The following PLCG2 variants were observed in gnomAD, a reference collection of about 807,000 sequenced individuals.
PLCG2 encodes 1-phosphatidylinositol 4,5-bisphosphate phosphodiesterase gamma-2.
PLCG2 carries 69 observed loss-of-function variants against 175.6 expected under a neutral mutation model. The ratio of observed to expected loss-of-function variants is 0.39; its 90% CI spans 0.32 to 0.48. The LOEUF (loss-of-function observed/expected upper bound fraction) is 0.48. Ranked by LOEUF, PLCG2 falls within the 20% of genes least tolerant of loss-of-function variation. PLCG2 has a pLI of 0.91. For missense variants in PLCG2, 1,798 were observed against 1,650.9 expected, an observed-to-expected ratio of 1.09 and a Z score of -1.54; for synonymous variants, 827 against 624.0, an observed-to-expected ratio of 1.33 and a Z score of -4.85.
intron 5 of PLCG2, 178 bp downstream of exon 5, chr16:81,859,341 A>T: frequency 1.8e-6 from 1 of 561,028 alleles, no homozygotes; most frequent in Non-Finnish European, 3.2e-6. Context: ...CTCCTCCTGG[A>T]GGGAGCCTCT....
intron 28 of PLCG2, among the ~76,000 whole-genome samples, chr16:81,938,127 C>T (rs897711149): frequency 2.6e-5 from 4 of 152,182 alleles, no homozygotes; most frequent in Non-Finnish European, 5.9e-5. Flanking sequence ...ACCCACTTCC[C>T]CTTGTCCTCT....
At chr16:81,877,192 C>T (rs1020788542) in intron 7 of PLCG2, among the ~76,000 whole-genome samples, 3 of 152,208 alleles carry the variant, frequency 2.0e-5, no homozygotes, top group South Asian at 2.1e-4. Context: ...CGGTGGCTCA[C>T]GCCTGTAATC....
At chr16:81,794,852 C>G (rs1489093761) in intron 2 of PLCG2, among the ~76,000 whole-genome samples, 1 of 152,110 alleles carries the variant, frequency 6.6e-6, no homozygotes, top group Non-Finnish European at 1.5e-5. Flanking sequence ...TTCCTGCACC[C>G]GATGGATTGT....
chr16:81,782,626 C>G (rs1319729127), intron 1 of PLCG2, among the ~76,000 whole-genome samples: 9 of 152,002 alleles, frequency 5.9e-5, no homozygotes, highest in Non-Finnish European at 1.0e-4. Flanking sequence ...GTTCTTGTAT[C>G]TCACAAGCTT....
chr16:81,954,954 C>T (rs903628770), intron 31 of PLCG2, among the ~76,000 whole-genome samples: 4 of 152,150 alleles, frequency 2.6e-5, no homozygotes, highest in African/African-American at 7.2e-5. Context: ...TCATTCCCAC[C>T]GACAGTGTAA....
Position 81,934,412 on chromosome 16 carries a change from CAG to C in PLCG2, c.2740-16_2740-15del. Reference sequence around the variant, plus strand: ...ATTTCTCGGGGGCGGGCACTAAAGACAGTGAACTCCAAACAGGAGAACAACAT... The same window carrying C: ...ATTTCTCGGGGGCGGGCACTAAAGACTGAACTCCAAACAGGAGAACAACAT... On this transcript the variant is annotated splice_polypyrimidine_tract_variant and intron_variant, in intron 25 of 32. Coordinates refer to ENST00000564138, the MANE Select transcript of PLCG2 (RefSeq NM_002661.5). The C allele has an allele frequency of 6.5e-7, 1 of 1,535,828 alleles. No individual in the cohort carries two copies. Among genetic ancestry groups the C allele is most frequent in the Non-Finnish European group, 9.0e-7 (1 of 1,109,560 alleles).
chr16:81,847,039 A>G (rs528164504), intron 2 of PLCG2, among the ~76,000 whole-genome samples: 1 of 152,174 alleles, frequency 6.6e-6, no homozygotes, highest in Non-Finnish European at 1.5e-5. Flanking sequence ...ACTCTGTCCC[A>G]TTTCAGGTGC....
chr16:81,827,864 G>A (rs553302398), intron 2 of PLCG2, among the ~76,000 whole-genome samples: 2 of 152,122 alleles, frequency 1.3e-5, no homozygotes, highest in Non-Finnish European at 2.9e-5. Context: ...GCCAAGGTGG[G>A]TGGATCACCT....
intron 26 of PLCG2, chr16:81,935,791 T>A: frequency 1.0e-6 from 1 of 985,398 alleles, no homozygotes; most frequent in South Asian, 4.7e-5. Context: ...TCATCTTGTG[T>A]CTGTGGTCTC....
intron 23 of PLCG2, 139 bp from the exon 24 acceptor site, chr16:81,928,419 A>G (rs1910366222): frequency 1.6e-6 from 1 of 644,198 alleles, no homozygotes; most frequent in South Asian, 1.8e-5. Context: ...CTCTCTCCCC[A>G]TGGACGTATC....
chr16:81,921,158 G>C (rs186066690), intron 20 of PLCG2, 40 bp from the exon 21 acceptor site: 10 of 1,242,538 alleles, frequency 8.0e-6, no homozygotes, highest in Non-Finnish European at 1.2e-5. Context: ...TATTCCAGGA[G>C]CATGGATTAT....
intron 23 of PLCG2, among the ~76,000 whole-genome samples, chr16:81,928,347 T>G (rs16955997): frequency 0.018 from 2,709 of 152,200 alleles, 72 homozygotes; most frequent in African/African-American, 0.063. Context: ...AAAATGAAAC[T>G]CCGAACCTCC....
intron 14 of PLCG2, among the ~76,000 whole-genome samples, chr16:81,902,748 A>G (rs1006561815): frequency 2.0e-5 from 3 of 152,162 alleles, no homozygotes; most frequent in Non-Finnish European, 4.4e-5. Flanking sequence ...GACATACCCA[A>G]GACTGGGTAA....
intron 5 of PLCG2, among the ~76,000 whole-genome samples, chr16:81,861,845 C>G (rs147939423): frequency 7.2e-4 from 109 of 152,326 alleles, no homozygotes; most frequent in African/African-American, 2.6e-3. Context: ...CCCTCTTGCT[C>G]AGGAGGCATT....
At chr16:81,809,469 T>A (rs999200395) in intron 2 of PLCG2, among the ~76,000 whole-genome samples, 4 of 152,200 alleles carry the variant, frequency 2.6e-5, no homozygotes, top group African/African-American at 9.7e-5. Context: ...CAGCCTTTAT[T>A]TGCTGCGCTT....
chr16:81,883,456 G>C (rs977612667), intron 9 of PLCG2, 115 bp downstream of exon 9: 1 of 757,422 alleles, frequency 1.3e-6, no homozygotes, highest in Non-Finnish European at 2.3e-6. Context: ...CTGGCCACCT[G>C]TGCTCACCTG....
chr16:81,881,149 G>T (rs895922467), intron 8 of PLCG2, among the ~76,000 whole-genome samples, 196 bp downstream of exon 8: 1 of 152,242 alleles, frequency 6.6e-6, no homozygotes, highest in Non-Finnish European at 1.5e-5. Context: ...AAGGTGTGGA[G>T]CACTGGGAGG....
At chr16:81,903,890 T>C (rs1440912401) in intron 14 of PLCG2, among the ~76,000 whole-genome samples, 3 of 152,228 alleles carry the variant, frequency 2.0e-5, no homozygotes, top group Non-Finnish European at 4.4e-5. Context: ...CCCACTTCTT[T>C]CTATTTCAAG....
At chr16:81,891,385 C>T (rs1406006399) in intron 10 of PLCG2, 87 bp from the exon 11 acceptor site, 2 of 793,464 alleles carry the variant, frequency 2.5e-6, no homozygotes, top group East Asian at 4.9e-5. Flanking sequence ...AGCTGTTCTT[C>T]CCCCCTGGTG....
Sources: gnomAD v4.1 joint callset for allele counts (sites outside exome capture counted in the v4.1 genomes callset) on GRCh38, gnomAD v4.1.1 for gene constraint, MANE v1.5 for transcripts, NCBI Gene and HGNC (gene_info 2026-07-23, HGNC 2026-07-21) for gene names.